RASSF3: variants seen among roughly 807,000 people sequenced by gnomAD.
The protein encoded by RASSF3 is ras association domain-containing protein 3.
In RASSF3, 19 loss-of-function variants were observed where a neutral mutation model predicts 19.9. The ratio of observed to expected loss-of-function variants is 0.96; its 90% CI spans 0.67 to 1.40. The LOEUF (loss-of-function observed/expected upper bound fraction) is 1.40, where lower values mean the gene tolerates loss of function less well. Ranked by LOEUF, RASSF3 falls within the 40% of genes most tolerant of loss-of-function variation. The pLI is 0.00. For synonymous variants in RASSF3, 110 were observed against 104.2 expected (o/e 1.06, Z -0.34); for missense variants, 306 against 289.8 (o/e 1.06, Z -0.41).
At chr12:64,626,511 A>G (rs976080109) in intron 1 of RASSF3, among the ~76,000 whole-genome samples, 51 of 151,768 alleles carry the variant, frequency 3.4e-4, no homozygotes, top group African/African-American at 1.2e-3. Context: ...AAAAAGAAAA[A>G]AAAAGAAAAA....
intron 1 of RASSF3, among the ~76,000 whole-genome samples, chr12:64,525,906 C>T (rs1250708730): frequency 2.8e-5 from 4 of 144,456 alleles, no homozygotes; most frequent in Non-Finnish European, 4.7e-5. Context: ...CAGCACGTTA[C>T]CTCCGTCCCA....
rs193101975 is a variant in RASSF3 at position 64,674,878 on chromosome 12, G to A, written c.112-9909G>A. Among the ~76,000 whole-genome samples, 91 of 152,164 alleles carry A rather than the reference G, an allele frequency of 6.0e-4. 1 individual carries two copies. The East Asian group carries it at 0.017, about 29-fold the overall frequency. Reference sequence around the variant, plus strand: ...AGTTGGGGGAGTATAGTAGCAGCGGGTGGTACACTTCGGTTTTCTGTGTGC... The same window carrying A: ...AGTTGGGGGAGTATAGTAGCAGCGGATGGTACACTTCGGTTTTCTGTGTGC... On this transcript the variant is annotated intron_variant, in intron 1 of 4. Transcript: ENST00000542104.
rs533687504 is a variant in RASSF3, at chr12:64,628,725, G to A, written c.111+17982G>A. 6.6e-5 allele frequency among the ~76,000 whole-genome samples: 10 copies of A among 152,242 alleles called. No individual in the cohort carries two copies. The East Asian group carries it at 1.9e-3, about 29-fold the overall frequency. ...TTGGCCATGCTGGTCTTGAACTCGT[G>A]ACCTAAGGTGATCTGCCTGCCTTGG... On this transcript the variant is annotated intron_variant, in intron 1 of 4. Coordinates refer to ENST00000542104, the MANE Select transcript of RASSF3 (RefSeq NM_178169.4).
chr12:64,628,574 G>C (rs1386324999), intron 1 of RASSF3: 1 of 151,372 alleles, frequency 6.6e-6, no homozygotes, highest in Non-Finnish European at 1.5e-5. Flanking sequence ...TTGGCTCACT[G>C]CAACCCCACC....
intron 2 of RASSF3, among the ~76,000 whole-genome samples, chr12:64,584,879 C>CTTTTTTTT (rs34522445): frequency 4.9e-5 from 4 of 80,814 alleles, no homozygotes; most frequent in Non-Finnish European, 8.9e-5. Flanking sequence ...CAGAAGGATT[C>CTTTTTTTT]TTTTTTTTTT....
chr12:64,610,187 G>C (rs561165728), upstream of RASSF3, among the ~76,000 whole-genome samples: 1 of 152,122 alleles, frequency 6.6e-6, no homozygotes, highest in African/African-American at 2.4e-5. Context: ...GCGGGCGGAC[G>C]GCTCGCAGAG....
intron 1 of RASSF3, among the ~76,000 whole-genome samples, chr12:64,621,817 T>C (rs960094861): frequency 6.6e-6 from 1 of 152,118 alleles, no homozygotes. Flanking sequence ...CTGACATCAC[T>C]GAAACTCAGA....
intron 1 of RASSF3, among the ~76,000 whole-genome samples, chr12:64,646,463 T>G (rs1871738370): frequency 6.6e-6 from 1 of 152,232 alleles, no homozygotes; most frequent in African/African-American, 2.4e-5. Flanking sequence ...TTCTGATTAG[T>G]GCAAGTTGGG....
intron 1 of RASSF3, among the ~76,000 whole-genome samples, chr12:64,632,436 G>T (rs983474511): frequency 6.6e-6 from 1 of 152,142 alleles, no homozygotes; most frequent in Non-Finnish European, 1.5e-5. Flanking sequence ...GGCAAGAGGG[G>T]TAGGGATATT....
chr12:64,597,903 C>T (rs2682730), intron 2 of RASSF3, among the ~76,000 whole-genome samples: 51,807 of 151,634 alleles, frequency 0.34, 9,861 homozygotes, highest in Non-Finnish European at 0.43. Flanking sequence ...CCTTTGAAGG[C>T]TTCCTGACCA....
chr12:64,563,187 A>G (rs1869376656), intron 2 of RASSF3, among the ~76,000 whole-genome samples: 1 of 144,116 alleles, frequency 6.9e-6, no homozygotes. Context: ...TTTTTTTGAG[A>G]TGGAGCTTCA....
intron 1 of RASSF3, among the ~76,000 whole-genome samples, chr12:64,615,079 T>C (rs1403934142): frequency 6.6e-6 from 1 of 152,256 alleles, no homozygotes; most frequent in Non-Finnish European, 1.5e-5. Context: ...CACGTATTTG[T>C]GGATTCGCTG....
At chr12:64,656,398 C>G (rs1016500472) in intron 1 of RASSF3, among the ~76,000 whole-genome samples, 1 of 152,046 alleles carries the variant, frequency 6.6e-6, no homozygotes. Context: ...ATAGTAAAAC[C>G]ATTTAATTGT....
At chr12:64,584,382 G>A (rs1484922806) in intron 2 of RASSF3, among the ~76,000 whole-genome samples, 4 of 151,830 alleles carry the variant, frequency 2.6e-5, no homozygotes, top group African/African-American at 9.7e-5. Flanking sequence ...AAAACAATGA[G>A]GTAGTTTGTC....
At chr12:64,554,141 T>G (rs1403735154) in intron 2 of RASSF3, among the ~76,000 whole-genome samples, 2 of 152,184 alleles carry the variant, frequency 1.3e-5, no homozygotes, top group African/African-American at 2.4e-5. Context: ...TTCAGACCTA[T>G]GACTATCTTT....
At position 64,688,432 on chromosome 12, in the gene RASSF3, CGTT is replaced by C. The variant is rs1489830705; in HGVS notation, c.439_441del (p.Cys147del). 1.9e-6 allele frequency: 3 copies of C among 1,613,626 alleles called. No homozygotes were observed. Among genetic ancestry groups the C allele is most frequent in the South Asian group, 1.1e-5 (1 of 91,082 alleles). Reference sequence around the variant, plus strand: ...CCCTGCCAAGTTTGCACTTTATAAGCGTTGTCACAGGGAAGACCAAGGTACGCT... The same window carrying C: ...CCCTGCCAAGTTTGCACTTTATAAGCGTCACAGGGAAGACCAAGGTACGCT... On this transcript the variant is annotated inframe_deletion, in exon 3 of 5. Transcript: ENST00000542104.
chr12:64,507,235 C>T (rs986691449), exon 1 of RASSF3: 8 of 398,518 alleles, frequency 2.0e-5, no homozygotes, highest in Admixed American at 4.4e-5. Flanking sequence ...TTCATGAGAC[C>T]TTCAGAAGAA....
Position 64,574,607 on chromosome 12 carries a change from G to T in RASSF3, c.294+32902G>T, listed in dbSNP as rs184864590. Among the ~76,000 whole-genome samples, 161 of 152,296 alleles carry T rather than the reference G, an allele frequency of 1.1e-3. 1 individual carries two copies. Among genetic ancestry groups the T allele is most frequent in the African/African-American group, 3.6e-3 (149 of 41,564 alleles). On this transcript the variant is annotated intron_variant, in intron 2 of 5. Transcript: ENST00000637125. ...AAAATTTGAAATGAGCTTGCCTACTGGGGTTTGCTTTTTTGTTCTTCTACT... is the reference window on the plus strand; with the variant it reads ...AAAATTTGAAATGAGCTTGCCTACTTGGGTTTGCTTTTTTGTTCTTCTACT...
intron 1 of RASSF3, among the ~76,000 whole-genome samples, chr12:64,512,656 CA>C (rs545534678): frequency 6.6e-6 from 1 of 151,750 alleles, no homozygotes; most frequent in African/African-American, 2.4e-5. Flanking sequence ...CATTGTAATA[CA>C]AAAAAAATCA....
Sources: allele counts gnomAD v4.1 joint callset (sites outside exome capture counted in the v4.1 genomes callset), GRCh38; gene constraint gnomAD v4.1.1; transcripts MANE v1.5; gene names NCBI Gene and HGNC (gene_info 2026-07-23, HGNC 2026-07-21).